SEC16A: variants seen among roughly 807,000 people sequenced by gnomAD.
The protein encoded by SEC16A is SEC16 homolog A, endoplasmic reticulum export factor.
Under a neutral mutation model 221.9 loss-of-function variants are expected in SEC16A, and 110 were observed. The ratio of observed to expected loss-of-function variants is 0.50; its 90% confidence interval spans 0.42 to 0.58. SEC16A has a LOEUF of 0.58. Ranked by LOEUF, SEC16A falls within the 20% of genes least tolerant of loss-of-function variation. SEC16A has a pLI of 0.00. For synonymous variants in SEC16A, 1,393 were observed against 1,257.7 expected (o/e 1.11, Z -2.28); for missense variants, 3,165 against 3,097.8 (o/e 1.02, Z -0.52).
rs1841566212 is a variant in SEC16A at position 136,475,941 on chromosome 9, A to G, written c.1675T>C (p.Ser559Pro). ...TCGATTTGCTTAAAAAAACTACCTGAAGCTTCATCCTCGGGTTTTCCAACT... is the reference window on the plus strand; with the variant it reads ...TCGATTTGCTTAAAAAAACTACCTGGAGCTTCATCCTCGGGTTTTCCAACT... ...QEVGKPEDEA[S>P]GSFFKQIDSS... Residue 559 changes from serine to proline, a missense_variant, in exon 3 of 32, where the codon TCA becomes CCA. Physicochemically the swap from Ser to Pro is moderately conservative, Grantham distance 74 (BLOSUM62 -1). This residue lies in a region of SEC16A where 2,030 missense variants were observed against 1,923.1 expected (regional missense o/e 1.06). Coordinates refer to ENST00000684901, the MANE Select transcript of SEC16A (RefSeq NM_014866.2). The surrounding 1 kb of genome is among the most constrained non-coding windows in gnomAD (Gnocchi z 5.0). The G allele has an allele frequency of 6.2e-7, 1 of 1,613,454 alleles. No homozygotes were observed. Among genetic ancestry groups the G allele is most frequent in the Non-Finnish European group, 8.5e-7 (1 of 1,179,858 alleles).
intron 23 of SEC16A, among the ~76,000 whole-genome samples, chr9:136,449,096 G>A (rs79755529): frequency 0.01 from 1,536 of 152,314 alleles, 20 homozygotes; most frequent in African/African-American, 0.034. Context: ...TCTAAACACT[G>A]ACAAAGCTTC....
rs774266742 is a variant in SEC16A at position 136,451,243 on chromosome 9, C to T, written c.6312+13G>A. On this transcript the variant is annotated intron_variant, in intron 23 of 31. Coordinates refer to ENST00000684901, the MANE Select transcript of SEC16A (RefSeq NM_014866.2). ...TCCCGGCCGCCAGGCGCACCGTGGG[C>T]AGGCTGTACTACCTTCTTAGGTTCC... 7 of 1,607,626 alleles carry T rather than the reference C, an allele frequency of 4.4e-6. No homozygotes were observed. Among genetic ancestry groups the T allele is most frequent in the South Asian group, 1.1e-5 (1 of 89,974 alleles).
intron 21 of SEC16A, 103 bp from the exon 22 acceptor site, chr9:136,453,613 G>A (rs1838188428): frequency 5.9e-6 from 5 of 846,528 alleles, no homozygotes; most frequent in Non-Finnish European, 9.9e-6. Flanking sequence ...CCCAGCTACC[G>A]CCACACCAGC....
Position 136,466,141 on chromosome 9 carries a change from G to A in SEC16A, c.4129-5C>T. The A allele has an allele frequency of 6.3e-7, 1 of 1,585,406 alleles. No individual in the cohort carries two copies. Among genetic ancestry groups the A allele is most frequent in the Non-Finnish European group, 8.6e-7 (1 of 1,163,862 alleles). On this transcript the variant is annotated splice_region_variant and splice_polypyrimidine_tract_variant and intron_variant, in intron 7 of 31. Transcript: ENST00000684901. This position sits in a 1 kb window ranked among gnomAD's most constrained non-coding sequence, Gnocchi z 5.5. ...GTGGCTTCTGTAAATCTGACTCTTA[G>A]AAAACAAAGCAAACGGGCAAAATCA...
chr9:136,462,040 C>A (rs1175804057), intron 12 of SEC16A, among the ~76,000 whole-genome samples: 3 of 151,746 alleles, frequency 2.0e-5, no homozygotes, highest in African/African-American at 7.3e-5. Flanking sequence ...CCCAGGAGGT[C>A]GAGGCCACAT....
At position 136,443,960 on chromosome 9, in the gene SEC16A, A is replaced by G. The variant is rs1025190275; in HGVS notation, c.6928-60T>C. On this transcript the variant is annotated intron_variant, in intron 30 of 31. Transcript: ENST00000684901. Reference sequence around the variant, plus strand: ...GCGCTGCACAGCAGCTGTCACTTCAAGTGCAGATACAGACACCGCTTCTGG... The same window carrying G: ...GCGCTGCACAGCAGCTGTCACTTCAGGTGCAGATACAGACACCGCTTCTGG... 1.4e-5 allele frequency: 18 copies of G among 1,257,408 alleles called. No homozygotes were observed. The African/African-American group carries it at 1.5e-4, about 11-fold the overall frequency. 77.9% of individuals were successfully genotyped at this position (1,257,408 alleles called of 1,614,324 possible).
intron 29 of SEC16A, among the ~76,000 whole-genome samples, 180 bp downstream of exon 29, chr9:136,445,465 A>G (rs1175473275): frequency 6.6e-6 from 1 of 152,158 alleles, no homozygotes; most frequent in Non-Finnish European, 1.5e-5. Flanking sequence ...GAGCTCCCAA[A>G]CAGTTTTGTT....
At chr9:136,469,522 G>C (rs1384649359) in intron 4 of SEC16A, among the ~76,000 whole-genome samples, 2 of 152,250 alleles carry the variant, frequency 1.3e-5, no homozygotes, top group African/African-American at 4.8e-5. Flanking sequence ...AAATTAGCCA[G>C]GCATGGTGGC....
In SEC16A at chr9:136,472,294, C is replaced by G. The variant is rs573208632; in HGVS notation, c.3568-183G>C. Among the ~76,000 whole-genome samples the G allele has an allele frequency of 9.8e-5, 15 of 152,346 alleles. No homozygotes were observed. In the East Asian group the frequency reaches 2.7e-3, roughly 27 times the overall value. ...ATGGCTGCTCTCCAGCAGGACTGAGCGTGGCCCTTCCCTCATACACAACCA... is the reference window on the plus strand; with the variant it reads ...ATGGCTGCTCTCCAGCAGGACTGAGGGTGGCCCTTCCCTCATACACAACCA... On this transcript the variant is annotated intron_variant, in intron 3 of 31. Coordinates refer to ENST00000684901, the MANE Select transcript of SEC16A (RefSeq NM_014866.2).
intron 30 of SEC16A, 92 bp downstream of exon 30, chr9:136,444,960 A>T (rs1330242667): frequency 2.8e-6 from 3 of 1,080,348 alleles, no homozygotes; most frequent in Non-Finnish European, 4.1e-6. Context: ...GGTTAGTGGC[A>T]AAGCGCACGT....
Position 136,454,185 on chromosome 9 carries a change from C to A in SEC16A, c.6000G>T (p.Gly2000=). ...GPALGFLEPS[G]PGLPPGVPPL... is the part of the protein sequence containing the mutation. ...GTGGCACACCAGGTGGGAGGCCAGG[C>A]CCGGAGGGCTCCAGGAAGCCAAGTG... is the stretch of plus-strand genomic sequence containing the variant. Residue 2000 remains glycine, a synonymous_variant, in exon 21 of 32, where the codon GGG becomes GGT. Coordinates refer to ENST00000684901, the MANE Select transcript of SEC16A (RefSeq NM_014866.2). The A allele has an allele frequency of 6.4e-7, 1 of 1,559,948 alleles. No individual in the cohort carries two copies. Among genetic ancestry groups the A allele is most frequent in the Non-Finnish European group, 8.7e-7 (1 of 1,151,802 alleles).
upstream of SEC16A, chr9:136,483,053 C>T (rs551837369): frequency 6.4e-5 from 63 of 981,944 alleles, no homozygotes; most frequent in Non-Finnish European, 7.3e-5. Context: ...CTCGGGTCTC[C>T]GCGGCCGCCG....
Position 136,466,259 on chromosome 9 carries a change from C to T in SEC16A, c.4128+5G>A, listed in dbSNP as rs370149305. 6.4e-5 allele frequency: 102 copies of T among 1,583,630 alleles called. No homozygotes were observed. The African/African-American group carries it at 9.4e-4, about 15-fold the overall frequency. On this transcript the variant is annotated splice_donor_5th_base_variant and intron_variant, in intron 7 of 31. Coordinates refer to ENST00000684901, the MANE Select transcript of SEC16A (RefSeq NM_014866.2). This position sits in a 1 kb window ranked among gnomAD's most constrained non-coding sequence, Gnocchi z 5.5. ...TCCGCGTGTCTGTGAGGCGCCGCCG[C>T]GTACCTGGTGCGAGTGGGAGCTGAG...
At chr9:136,458,101 G>A (rs1838945775) in intron 17 of SEC16A, among the ~76,000 whole-genome samples, 1 of 150,970 alleles carries the variant, frequency 6.6e-6, no homozygotes, top group Non-Finnish European at 1.5e-5. Flanking sequence ...GAACACAGGT[G>A]CATGCTGCCA....
chr9:136,471,038 GCC>G (rs1237434070), intron 4 of SEC16A, among the ~76,000 whole-genome samples: 3 of 151,988 alleles, frequency 2.0e-5, no homozygotes, highest in African/African-American at 7.2e-5. Flanking sequence ...CTGCTCTAGG[GCC>G]CAGGAGGACT....
Position 136,440,883 on chromosome 9 carries a change from A to C in SEC16A, c.*872T>G, listed in dbSNP as rs780295469. The C allele has an allele frequency of 2.6e-5, 4 of 152,388 alleles. No homozygotes were observed. The highest frequency in any genetic ancestry group is 4.4e-5 in the Non-Finnish European group (3 of 68,050). The allele number at this position is 152,388 out of a possible 1,614,324, so 9.4% of individuals were successfully genotyped here. A position where few individuals can be genotyped will look rare whatever the true frequency, so the allele number is the denominator to read the frequency against. ...TAGAGAAGTGCATCCAGCTTCCTTA[A>C]CAGTGAGTCTAACCGTGCTCCTACA... is the stretch of plus-strand genomic sequence containing the variant. On this transcript the variant is annotated 3_prime_UTR_variant, in exon 32 of 32. Transcript: ENST00000684901.
At chr9:136,443,619 T>C (rs1564448580) in intron 31 of SEC16A, among the ~76,000 whole-genome samples, 1 of 152,204 alleles carries the variant, frequency 6.6e-6, no homozygotes, top group Non-Finnish European at 1.5e-5. Context: ...AAGTTATGGC[T>C]GCAGTGAGCT....
rs750517376 is a variant in SEC16A, at chr9:136,475,113, G to A, written c.2503C>T (p.His835Tyr). The A allele has an allele frequency of 1.2e-6, 2 of 1,613,754 alleles. No individual in the cohort carries two copies. Among genetic ancestry groups the A allele is most frequent in the Admixed American group, 1.7e-5 (1 of 59,984 alleles). Residue 835 changes from histidine to tyrosine, a missense_variant, in exon 3 of 32, where the codon CAC (histidine) becomes TAC (tyrosine). His to Tyr is a moderately conservative substitution (Grantham distance 83). Transcript: ENST00000684901. The surrounding 1 kb of genome is among the most constrained non-coding windows in gnomAD (Gnocchi z 5.0). ...ATGGGCTGAGCCAGATTATAGCTGT[G>A]ATCAGGCTGAGCAATCAAGACTGGA... ...NPPVLIAQPD[H>Y]SYNLAQPINF...
Position 136,474,821 on chromosome 9 carries a change from G to A in SEC16A, c.2795C>T (p.Pro932Leu). 2 of 1,613,948 alleles carry A rather than the reference G, an allele frequency of 1.2e-6. No individual in the cohort carries two copies. The highest frequency in any genetic ancestry group is 8.5e-7 in the Non-Finnish European group (1 of 1,179,884). ...TTCTGGAACCAAGTTCTCTGGAACT[G>A]GCTGGGATGGTGGTTGAACCAGCAA... Reference protein sequence around the residue: ...ANLLVQPPSQPVPENLVPESQ... With the variant: ...ANLLVQPPSQLVPENLVPESQ... The change falls in exon 3 of 32, where the codon CCA becomes CTA. Residue 932 changes from proline (P) to leucine (L), a missense_variant. Pro to Leu is a moderately conservative substitution (Grantham distance 98, BLOSUM62 -3). Transcript: ENST00000684901.
Sources: gnomAD v4.1 joint callset for allele counts (sites outside exome capture counted in the v4.1 genomes callset) on GRCh38, gnomAD v4.1.1 for gene constraint, gnomAD v4.1.1 regional missense constraint, Gnocchi (gnomAD v3.1) non-coding constraint, MANE v1.5 for transcripts, NCBI Gene and HGNC (gene_info 2026-07-23, HGNC 2026-07-21) for gene names.